COL19A1: variants seen among roughly 807,000 people sequenced by gnomAD.
The protein encoded by COL19A1 is collagen type XIX alpha 1 chain, also known as collagen alpha-1(XIX) chain.
A neutral mutation model predicts 190.2 loss-of-function variants in COL19A1; 159 were observed. The ratio of observed to expected loss-of-function variants is 0.84; its 90% CI spans 0.73 to 0.95. The LOEUF (loss-of-function observed/expected upper bound fraction) is 0.95. COL19A1 is among the 40% of genes least tolerant of loss of function. The probability of loss-of-function intolerance (pLI) is 0.00; values close to 1 mark genes in which losing one functional copy is unlikely to be tolerated. For synonymous variants in COL19A1, 509 were observed against 458.9 expected (o/e 1.11, Z -1.39); for missense variants, 1,418 against 1,431.9 (o/e 0.99, Z 0.16).
At chr6:69,988,946 C>T (rs1776453267) in intron 11 of COL19A1, among the ~76,000 whole-genome samples, 1 of 152,166 alleles carries the variant, frequency 6.6e-6, no homozygotes, top group African/African-American at 2.4e-5. Context: ...TCTATTTGTG[C>T]TGATAACATC....
intron 12 of COL19A1, 111 bp from the exon 13 acceptor site, chr6:70,034,134 A>G (rs1412660061): frequency 7.8e-6 from 6 of 770,510 alleles, no homozygotes; most frequent in Non-Finnish European, 1.1e-5. Context: ...ATACTACAAA[A>G]GGAAGAATGA....
intron 2 of COL19A1, among the ~76,000 whole-genome samples, chr6:69,891,843 C>T (rs1446435359): frequency 2.0e-5 from 3 of 152,214 alleles, no homozygotes; most frequent in South Asian, 2.1e-4. Context: ...CACACATGCT[C>T]ACCTGCACTG....
At chr6:70,189,862 G>A (rs1766743674) in intron 47 of COL19A1, among the ~76,000 whole-genome samples, 1 of 152,160 alleles carries the variant, frequency 6.6e-6, no homozygotes, top group African/African-American at 2.4e-5. Context: ...AGCATACTTG[G>A]AGTTCTGTTC....
chr6:70,099,238 A>G (rs1403821880), intron 15 of COL19A1, among the ~76,000 whole-genome samples: 2 of 151,936 alleles, frequency 1.3e-5, no homozygotes, highest in African/African-American at 4.8e-5. Context: ...CCTAAGGTGA[A>G]TCTTGTTTCT....
intron 11 of COL19A1, among the ~76,000 whole-genome samples, chr6:70,019,661 G>A (rs1297630746): frequency 2.0e-5 from 3 of 152,030 alleles, no homozygotes; most frequent in African/African-American, 7.2e-5. Flanking sequence ...TTTCGTTGAA[G>A]TTTTTATTAG....
At chr6:70,145,529 G>C (rs986565260) in intron 25 of COL19A1, among the ~76,000 whole-genome samples, 1 of 152,052 alleles carries the variant, frequency 6.6e-6, no homozygotes, top group African/African-American at 2.4e-5. Context: ...ACTACTGATG[G>C]GGGAGAGTTG....
chr6:69,968,797 T>A (rs938995786), intron 11 of COL19A1, among the ~76,000 whole-genome samples: 1 of 152,190 alleles, frequency 6.6e-6, no homozygotes, highest in Non-Finnish European at 1.5e-5. Flanking sequence ...CAAATAAGGA[T>A]GTTTATATAA....
chr6:70,038,207 AG>A (rs1382521226), intron 14 of COL19A1, among the ~76,000 whole-genome samples: 8 of 152,242 alleles, frequency 5.3e-5, no homozygotes, highest in Non-Finnish European at 1.2e-4. Context: ...CAATAAACAG[AG>A]TTCATCCATA....
chr6:70,178,924 C>A (rs745802995), intron 42 of COL19A1, among the ~76,000 whole-genome samples: 10 of 152,160 alleles, frequency 6.6e-5, no homozygotes, highest in Admixed American at 2.0e-4. Flanking sequence ...AGCATGCTCT[C>A]CCCCGGATGC....
intron 15 of COL19A1, among the ~76,000 whole-genome samples, chr6:70,095,844 A>G (rs1783219250): frequency 6.6e-6 from 1 of 152,120 alleles, no homozygotes; most frequent in African/African-American, 2.4e-5. Context: ...AGGTTCCTCC[A>G]TGTTGTTGCA....
At chr6:69,927,248 T>A (rs922357126) in intron 4 of COL19A1, among the ~76,000 whole-genome samples, 23 of 152,168 alleles carry the variant, frequency 1.5e-4, no homozygotes, top group Non-Finnish European at 2.6e-4. Context: ...TTCTTTTATT[T>A]TCTTATCAGA....
intron 2 of COL19A1, chr6:69,891,141 T>A: frequency 6.2e-6 from 1 of 160,760 alleles, no homozygotes; most frequent in East Asian, 1.7e-4. Flanking sequence ...TAAGGACAGC[T>A]CAAAAATTCC....
chr6:70,039,935 T>A (rs1418974587), intron 14 of COL19A1, among the ~76,000 whole-genome samples: 2 of 151,352 alleles, frequency 1.3e-5, no homozygotes, highest in African/African-American at 4.9e-5. Flanking sequence ...GCTAATTTTT[T>A]TTTTTTTTTT....
chr6:69,973,438 T>G (rs16868408), intron 11 of COL19A1, among the ~76,000 whole-genome samples: 3,484 of 152,242 alleles, frequency 0.023, 133 homozygotes, highest in African/African-American at 0.077. Context: ...TTTCTTTCAT[T>G]TTTTCGCATA....
At chr6:70,086,424 G>T (rs931815873) in intron 15 of COL19A1, among the ~76,000 whole-genome samples, 2 of 152,122 alleles carry the variant, frequency 1.3e-5, no homozygotes, top group Non-Finnish European at 2.9e-5. Context: ...CAAGAGGAAG[G>T]TGAGGGAAAA....
intron 34 of COL19A1, among the ~76,000 whole-genome samples, chr6:70,160,036 C>T (rs1787697180): frequency 6.6e-6 from 1 of 152,114 alleles, no homozygotes; most frequent in Admixed American, 6.6e-5. Context: ...TAAAATTTCT[C>T]CCTATTCCCA....
intron 37 of COL19A1, 52 bp from the exon 38 acceptor site, chr6:70,167,973 A>T: frequency 7.6e-7 from 1 of 1,309,646 alleles, no homozygotes; most frequent in East Asian, 2.3e-5. Context: ...AAATGTAGAG[A>T]TGCAAAGTAT....
intron 31 of COL19A1, among the ~76,000 whole-genome samples, chr6:70,151,666 CA>C (rs1332748289): frequency 2.0e-5 from 3 of 151,970 alleles, no homozygotes; most frequent in Non-Finnish European, 2.9e-5. Flanking sequence ...TTGGGTGGGG[CA>C]GGGGTGGAGG....
chr6:70,125,719 A>G (rs1179379285), intron 17 of COL19A1, among the ~76,000 whole-genome samples: 1 of 152,212 alleles, frequency 6.6e-6, no homozygotes, highest in East Asian at 1.9e-4. Context: ...GCAAAGAATA[A>G]AAGGTAGATT....
Sources: allele counts gnomAD v4.1 joint callset (sites outside exome capture counted in the v4.1 genomes callset), GRCh38; gene constraint gnomAD v4.1.1; transcripts MANE v1.5; gene names NCBI Gene and HGNC (gene_info 2026-07-23, HGNC 2026-07-21).